The following SMIM36 variants were observed in gnomAD, a reference collection of about 807,000 sequenced individuals.
SMIM36 encodes the protein small integral membrane protein 36.
chr17:55,483,308 T>A, intron 1 of SMIM36, among the ~76,000 whole-genome samples: 1 of 152,220 alleles, frequency 6.6e-6, no homozygotes, highest in Non-Finnish European at 1.5e-5. Context: ...TTTTCTACCC[T>A]GAGATGCTAT....
At chr17:55,521,487 C>G in the SMIM36 span, among the ~76,000 whole-genome samples, 1 of 152,246 alleles carries the variant, frequency 6.6e-6, no homozygotes, top group Non-Finnish European at 1.5e-5. Flanking sequence ...ATCATACCAT[C>G]TGGAGGCATT....
At chr17:55,492,248 T>TC (rs565923747) in intron 1 of SMIM36, among the ~76,000 whole-genome samples, 16,060 of 134,240 alleles carry the variant, frequency 0.12, 1,306 homozygotes, top group East Asian at 0.42. Context: ...CTTTCTTTTT[T>TC]TTTTTTTTTT....
intron 1 of SMIM36, among the ~76,000 whole-genome samples, chr17:55,500,597 T>G (rs915523167): frequency 6.6e-6 from 1 of 151,086 alleles, no homozygotes; most frequent in Non-Finnish European, 1.5e-5. Flanking sequence ...CAACACTCTC[T>G]TTAGAGTATT....
intron 1 of SMIM36, among the ~76,000 whole-genome samples, chr17:55,507,887 C>T (rs934437378): frequency 1.1e-4 from 16 of 152,230 alleles, no homozygotes; most frequent in East Asian, 3.9e-4. Context: ...ATTCCTCTTT[C>T]GTCATAAGAA....
At chr17:55,470,743 C>T (rs1320768756) in intron 3 of SMIM36, among the ~76,000 whole-genome samples, 1 of 151,978 alleles carries the variant, frequency 6.6e-6, no homozygotes, top group Non-Finnish European at 1.5e-5. Context: ...AAGTATGGGA[C>T]ACCTCTATTC....
At chr17:55,478,484 CT>C (rs1194863752) in intron 3 of SMIM36, among the ~76,000 whole-genome samples, 1 of 152,126 alleles carries the variant, frequency 6.6e-6, no homozygotes, top group African/African-American at 2.4e-5. Flanking sequence ...CCCGCCTTGA[CT>C]TCCTAGAGAG....
chr17:55,494,768 C>A (rs7215523), intron 1 of SMIM36, among the ~76,000 whole-genome samples: 47,281 of 151,800 alleles, frequency 0.31, 11,154 homozygotes, highest in African/African-American at 0.63. Flanking sequence ...AGTGTATACA[C>A]ATGTATACTT....
chr17:55,525,202 G>A, the SMIM36 span, among the ~76,000 whole-genome samples: 8 of 152,132 alleles, frequency 5.3e-5, no homozygotes, highest in Non-Finnish European at 2.9e-5. Context: ...CCTTCTGTTA[G>A]CACCAACCTA....
At chr17:55,464,908 C>A (rs1020863290) in intron 4 of SMIM36, among the ~76,000 whole-genome samples, 4 of 152,152 alleles carry the variant, frequency 2.6e-5, no homozygotes, top group Admixed American at 6.5e-5. Flanking sequence ...GTCCATAGTT[C>A]TTGGATTTGC....
chr17:55,530,541 T>G, the SMIM36 span, among the ~76,000 whole-genome samples: 3 of 152,122 alleles, frequency 2.0e-5, no homozygotes, highest in Non-Finnish European at 4.4e-5. Flanking sequence ...TCCCAGCACT[T>G]TGGGAGGCCA....
intron 1 of SMIM36, among the ~76,000 whole-genome samples, chr17:55,499,371 T>C (rs1247999574): frequency 1.3e-5 from 2 of 152,108 alleles, no homozygotes; most frequent in Non-Finnish European, 2.9e-5. Context: ...AGGTGACCCA[T>C]CTAGAATTGA....
chr17:55,485,723 C>G (rs1356156774), intron 1 of SMIM36, among the ~76,000 whole-genome samples: 3 of 152,090 alleles, frequency 2.0e-5, no homozygotes, highest in Non-Finnish European at 4.4e-5. Context: ...GTTCTAAGTA[C>G]TTTGTATGTT....
At chr17:55,466,159 C>A (rs544571000) in intron 4 of SMIM36, among the ~76,000 whole-genome samples, 37 of 151,582 alleles carry the variant, frequency 2.4e-4, no homozygotes, top group Non-Finnish European at 4.7e-4. Flanking sequence ...CACCTGTAAT[C>A]CCAGCTACTA....
intron 1 of SMIM36, among the ~76,000 whole-genome samples, chr17:55,480,534 G>A (rs535312064): frequency 6.6e-6 from 1 of 152,268 alleles, no homozygotes; most frequent in East Asian, 1.9e-4. Context: ...CCACTCACTG[G>A]TTGATTTTTT....
At chr17:55,519,621 C>T in the SMIM36 span, among the ~76,000 whole-genome samples, 2 of 152,146 alleles carry the variant, frequency 1.3e-5, no homozygotes, top group African/African-American at 4.8e-5. Flanking sequence ...AGGGGCAGAG[C>T]ATTGCTGAAA....
chr17:55,488,453 T>C (rs1381922175), intron 1 of SMIM36, among the ~76,000 whole-genome samples: 1 of 152,244 alleles, frequency 6.6e-6, no homozygotes, highest in Non-Finnish European at 1.5e-5. Context: ...CAGGGTTTAA[T>C]ACTGTGCATG....
intron 3 of SMIM36, among the ~76,000 whole-genome samples, chr17:55,477,923 G>A (rs1909452407): frequency 6.6e-6 from 1 of 150,604 alleles, no homozygotes; most frequent in Non-Finnish European, 1.5e-5. Flanking sequence ...ATATTCCCAT[G>A]TCCTAGTTAC....
At chr17:55,499,390 C>A (rs1909869744) in intron 1 of SMIM36, among the ~76,000 whole-genome samples, 1 of 152,138 alleles carries the variant, frequency 6.6e-6, no homozygotes, top group South Asian at 2.1e-4. Context: ...GAGTTCAAAT[C>A]CTGCTTCTTA....
chr17:55,469,286 A>C (rs1909300717), intron 3 of SMIM36, among the ~76,000 whole-genome samples: 1 of 152,218 alleles, frequency 6.6e-6, no homozygotes, highest in Non-Finnish European at 1.5e-5. Context: ...TGCCTCTGAC[A>C]GAGGTGGCTG....
Sources: gnomAD v4.1 joint callset for allele counts (sites outside exome capture counted in the v4.1 genomes callset) on GRCh38, gnomAD v4.1.1 for gene constraint, MANE v1.5 for transcripts, NCBI Gene and HGNC (gene_info 2026-07-23, HGNC 2026-07-21) for gene names.